The following CCDC187 variants were observed in gnomAD, a reference collection of about 807,000 sequenced individuals.
CCDC187 encodes the protein coiled-coil domain-containing protein 187.
CCDC187 carries 32 observed loss-of-function variants against 38.0 expected under a neutral mutation model. The observed-to-expected ratio is 0.84, with a 90% confidence interval of 0.64 to 1.13. The LOEUF (loss-of-function observed/expected upper bound fraction) is 1.13, where lower values mean the gene tolerates loss of function less well. CCDC187 is among the 50% of genes most tolerant of loss of function. The pLI is 0.00. For synonymous variants in CCDC187, 333 were observed against 347.9 expected (o/e 0.96, Z 0.48); for missense variants, 707 against 786.8 (o/e 0.90, Z 1.21).
Position 136,257,560 on chromosome 9 carries a change from C to T in CCDC187, c.4367-719G>A, listed in dbSNP as rs1183964962. ...GGACACAGCAAGGCCACCAGTGCAC[C>T]GCCGGGGATCACAAAGGGGGACAAA... On this transcript the variant is annotated intron_variant, in intron 22 of 25. Transcript: ENST00000638797. This position sits in a 1 kb window ranked among gnomAD's most constrained non-coding sequence, Gnocchi z 4.5. 1.3e-5 allele frequency among the ~76,000 whole-genome samples: 2 copies of T among 152,076 alleles called. No individual in the cohort carries two copies. Among genetic ancestry groups the T allele is most frequent in the Admixed American group, 6.5e-5 (1 of 15,268 alleles).
rs532018547 is a variant in CCDC187, at chr9:136,274,073, A to C, written c.3442+585T>G. ...GCTTTCCCACCAGGGAAAGCCGCTC[A>C]AAGGAGTGGAGGTGGGCGTATCAAC... On this transcript the variant is annotated intron_variant, in intron 14 of 25. Coordinates refer to ENST00000638797, the MANE Select transcript of CCDC187 (RefSeq NM_001378188.1). 7.3e-4 allele frequency among the ~76,000 whole-genome samples: 111 copies of C among 152,346 alleles called. 2 individuals are homozygous for C. Among genetic ancestry groups the C allele is most frequent in the East Asian group, 3.7e-3 (19 of 5,190 alleles).
chr9:136,273,134 GA>G (rs782402118), intron 14 of CCDC187, among the ~76,000 whole-genome samples: 22 of 152,134 alleles, frequency 1.4e-4, no homozygotes, highest in Non-Finnish European at 2.8e-4. Flanking sequence ...CAGAACAAAA[GA>G]AAAATAACCA....
At chr9:136,265,582 A>G (rs989200546) in intron 17 of CCDC187, 2 of 152,240 alleles carry the variant, frequency 1.3e-5, no homozygotes, top group Admixed American at 6.5e-5. Flanking sequence ...AGAGACCACA[A>G]TTATTCTCTG....
rs1277851957 is a variant in CCDC187, at chr9:136,286,363, T to C, written c.2555A>G (p.Asp852Gly). The C allele has an allele frequency of 7.5e-6, 3 of 398,532 alleles. No homozygotes were observed. The highest frequency in any genetic ancestry group is 6.2e-5 in the African/African-American group (3 of 48,632). The allele number at this position is 398,532 out of a possible 1,614,324, so 24.7% of individuals were successfully genotyped here. A position where few individuals can be genotyped will look rare whatever the true frequency, so the allele number is the denominator to read the frequency against. ...GCCCACAGCTGGGTCCCTGACGGTG[T>C]CCAGCGCTTCGGCACCCTGCAGCTT... is the stretch of plus-strand genomic sequence containing the variant. The part of the protein sequence containing the change: ...TAKLQGAEAL[D>G]TVRDPAVGLL... Residue 852 changes from aspartate to glycine, a missense_variant, in exon 8 of 26, where the codon GAC (aspartate) becomes GGC (glycine). Transcript: ENST00000638797.
chr9:136,298,538 G>A (rs1009950445), intron 3 of CCDC187, among the ~76,000 whole-genome samples: 13 of 152,344 alleles, frequency 8.5e-5, no homozygotes, highest in African/African-American at 1.2e-4. Flanking sequence ...GCCGCCATGC[G>A]AGAACCTGCC....
Position 136,262,421 on chromosome 9 carries a change from T to C in CCDC187, c.3954A>G (p.Ser1318=), listed in dbSNP as rs1296406299. ...PKVKAAWEGG[S]ETSQQPEASL... ...AGGCCTCTGGCTGCTGGCTTGTCTC[T>C]GAGCCTCCCTCCCAGGCGGCCTTGA... is the stretch of plus-strand genomic sequence containing the variant. Residue 1318 remains serine, a synonymous_variant, in exon 19 of 26, where the codon TCA becomes TCG. Transcript: ENST00000638797. The C allele has an allele frequency of 1.0e-6, 1 of 986,188 alleles. No individual in the cohort carries two copies. Among genetic ancestry groups the C allele is most frequent in the Non-Finnish European group, 1.2e-6 (1 of 830,454 alleles). 61.1% of individuals were successfully genotyped at this position (986,188 alleles called of 1,614,324 possible). A position where few individuals can be genotyped will look rare whatever the true frequency, so the allele number is the denominator to read the frequency against.
At chr9:136,285,093 C>T (rs1041450640) in intron 9 of CCDC187, among the ~76,000 whole-genome samples, 1 of 151,864 alleles carries the variant, frequency 6.6e-6, no homozygotes, top group Non-Finnish European at 1.5e-5. Context: ...GCAGCCCGTG[C>T]TGGGGATGGG....
chr9:136,297,670 C>T, intron 4 of CCDC187, 44 bp downstream of exon 4: 1 of 399,524 alleles, frequency 2.5e-6, no homozygotes, highest in East Asian at 3.6e-5. Flanking sequence ...GTGCCAGGAT[C>T]ATATGCACCT....
intron 4 of CCDC187, among the ~76,000 whole-genome samples, chr9:136,292,747 G>T (rs1362024075): frequency 6.6e-6 from 1 of 152,216 alleles, no homozygotes; most frequent in Non-Finnish European, 1.5e-5. Flanking sequence ...CAGCACGGGA[G>T]GTCCTGTCAC....
At chr9:136,297,887 C>T (rs1831574921) in intron 3 of CCDC187, 66 bp from the exon 4 acceptor site, 1 of 395,612 alleles carries the variant, frequency 2.5e-6, no homozygotes, top group Non-Finnish European at 4.5e-6. Flanking sequence ...CACGGGCCCC[C>T]CACGTGGCTA....
At chr9:136,293,481 TCA>T (rs1166695908) in intron 4 of CCDC187, among the ~76,000 whole-genome samples, 10 of 129,830 alleles carry the variant, frequency 7.7e-5, no homozygotes, top group South Asian at 2.4e-4. Flanking sequence ...GCTCACACAC[TCA>T]CAAACACATG....
Position 136,250,660 on chromosome 9 carries a change from C to A in CCDC187, c.*2934G>T. Reference sequence around the variant, plus strand: ...AAATTGGGAGCATGGAGCAGGAACACATTCCCCACTGGATCCAAACATCTG... The same window carrying A: ...AAATTGGGAGCATGGAGCAGGAACAAATTCCCCACTGGATCCAAACATCTG... On this transcript the variant is annotated 3_prime_UTR_variant, in exon 26 of 26. Coordinates refer to ENST00000638797, the MANE Select transcript of CCDC187 (RefSeq NM_001378188.1). 2.3e-6 allele frequency: 1 copy of A among 443,398 alleles called. No homozygotes were observed. The highest frequency in any genetic ancestry group is 4.6e-6 in the Non-Finnish European group (1 of 218,444). 27.5% of individuals were successfully genotyped at this position (443,398 alleles called of 1,614,324 possible).
chr9:136,262,209 G>A (rs1830687567), intron 19 of CCDC187, 102 bp downstream of exon 19: 1 of 967,122 alleles, frequency 1.0e-6, no homozygotes, highest in Non-Finnish European at 1.2e-6. Context: ...CCCGGCCCCT[G>A]AGCCAGGCTC....
At chr9:136,288,057 A>G (rs1341158131) in intron 7 of CCDC187, among the ~76,000 whole-genome samples, 1 of 152,188 alleles carries the variant, frequency 6.6e-6, no homozygotes, top group Non-Finnish European at 1.5e-5. Context: ...GAGGCCCTGC[A>G]GCTGCCCGAG....
rs985443726 is a variant in CCDC187 at position 136,294,023 on chromosome 9, C to G, written c.833-1728G>C. Among the ~76,000 whole-genome samples, 520 of 151,244 alleles carry G rather than the reference C, an allele frequency of 3.4e-3. 4 individuals are homozygous for G. Among genetic ancestry groups the G allele is most frequent in the African/African-American group, 0.012 (501 of 40,950 alleles). On this transcript the variant is annotated intron_variant, in intron 4 of 25. Coordinates refer to ENST00000638797, the MANE Select transcript of CCDC187 (RefSeq NM_001378188.1). ...TCATATACACACGCCCTCACATGCT[C>G]TCACACACACACTCATATACACACG...
intron 3 of CCDC187, among the ~76,000 whole-genome samples, chr9:136,299,440 C>T (rs919027787): frequency 5.9e-5 from 9 of 152,304 alleles, no homozygotes; most frequent in South Asian, 4.1e-4. Context: ...GTGCTGAGCC[C>T]GAAACGCCTC....
At position 136,253,554 on chromosome 9, in the gene CCDC187, C is replaced by T. The variant is rs1316959090; in HGVS notation, c.*40G>A. 4.1e-6 allele frequency: 4 copies of T among 972,824 alleles called. No individual in the cohort carries two copies. The highest frequency in any genetic ancestry group is 4.9e-6 in the Non-Finnish European group (4 of 818,488). The allele number at this position is 972,824 out of a possible 1,614,324, so 60.3% of individuals were successfully genotyped here. A position where few individuals can be genotyped will look rare whatever the true frequency, so the allele number is the denominator to read the frequency against. On this transcript the variant is annotated 3_prime_UTR_variant, in exon 26 of 26. Coordinates refer to ENST00000638797, the MANE Select transcript of CCDC187 (RefSeq NM_001378188.1). ...CTGCATCTACCCAACTGGTCGTCAACGCTTCCACCCGGACCAGCCACCCCT... is the reference window on the plus strand; with the variant it reads ...CTGCATCTACCCAACTGGTCGTCAATGCTTCCACCCGGACCAGCCACCCCT...
At chr9:136,277,100 C>G (rs1031045765) in intron 10 of CCDC187, among the ~76,000 whole-genome samples, 3 of 151,878 alleles carry the variant, frequency 2.0e-5, no homozygotes, top group African/African-American at 7.3e-5. Flanking sequence ...ATGGGCTTTG[C>G]CCCCAGACAG....
chr9:136,273,770 A>T (rs1554762758), intron 14 of CCDC187, among the ~76,000 whole-genome samples: 1 of 152,252 alleles, frequency 6.6e-6, no homozygotes, highest in Non-Finnish European at 1.5e-5. Flanking sequence ...AAGTCTGGAC[A>T]TTACGAGGTT....
Sources: gnomAD v4.1 joint callset for allele counts (sites outside exome capture counted in the v4.1 genomes callset) on GRCh38, gnomAD v4.1.1 for gene constraint, Gnocchi (gnomAD v3.1) non-coding constraint, MANE v1.5 for transcripts, NCBI Gene and HGNC (gene_info 2026-07-23, HGNC 2026-07-21) for gene names.